Variants in CCDC171 observed in about 807,000 individuals in gnomAD.
CCDC171 encodes the protein coiled-coil domain containing 171, also known as coiled-coil domain-containing protein 171.
Under a neutral mutation model 168.2 loss-of-function variants are expected in CCDC171, and 177 were observed. The observed-to-expected ratio is 1.05, with a 90% confidence interval of 0.93 to 1.19. The LOEUF is 1.19. Ranked by LOEUF, CCDC171 falls within the 50% of genes most tolerant of loss-of-function variation. CCDC171 has a pLI of 0.00. For missense variants in CCDC171, 1,991 were observed against 1,539.0 expected, an observed-to-expected ratio of 1.29 and a Z score of -4.91; for synonymous variants, 687 against 540.8, an observed-to-expected ratio of 1.27 and a Z score of -3.75.
intron 18 of CCDC171, among the ~76,000 whole-genome samples, chr9:15,746,294 A>G (rs2134691745): frequency 6.6e-6 from 1 of 152,362 alleles, no homozygotes; most frequent in South Asian, 2.1e-4. Context: ...AATGAAATGT[A>G]AGCCTATATG....
chr9:16,025,152 T>G (rs979040146), intron 6 of CCDC171, among the ~76,000 whole-genome samples: 6 of 152,108 alleles, frequency 3.9e-5, no homozygotes, highest in African/African-American at 1.4e-4. Context: ...CATAAAAACT[T>G]GAACAGGGGC....
At chr9:15,783,790 G>C (rs1554812195) in intron 20 of CCDC171, among the ~76,000 whole-genome samples, 8 of 152,158 alleles carry the variant, frequency 5.3e-5, no homozygotes, top group Non-Finnish European at 8.8e-5. Context: ...TAAAAACCAT[G>C]TTGTGTGTTA....
intron 3 of CCDC171, among the ~76,000 whole-genome samples, chr9:15,998,477 G>A (rs1270632917): frequency 6.6e-6 from 1 of 152,200 alleles, no homozygotes; most frequent in African/African-American, 2.4e-5. Context: ...ATGTGTGGCT[G>A]AAGCTTTGGG....
chr9:15,595,472 A>G (rs1023524511), intron 6 of CCDC171, among the ~76,000 whole-genome samples: 18 of 152,210 alleles, frequency 1.2e-4, no homozygotes, highest in African/African-American at 4.3e-4. Flanking sequence ...TACAGAGGAC[A>G]TGAACTTATC....
At chr9:15,816,494 T>C (rs1232515309) in intron 21 of CCDC171, among the ~76,000 whole-genome samples, 1 of 118,974 alleles carries the variant, frequency 8.4e-6, no homozygotes, top group Admixed American at 7.9e-5. Context: ...TTTTTACTTA[T>C]ATTTTCGAAG....
intron 25 of CCDC171, among the ~76,000 whole-genome samples, chr9:15,944,895 T>G (rs1828161207): frequency 6.6e-6 from 1 of 150,964 alleles, no homozygotes; most frequent in African/African-American, 2.4e-5. Context: ...TTTTTTATCA[T>G]TATACTTTAA....
chr9:16,009,022 T>C (rs545726391), intron 3 of CCDC171, among the ~76,000 whole-genome samples: 1 of 151,862 alleles, frequency 6.6e-6, no homozygotes, highest in South Asian at 2.1e-4. Flanking sequence ...AATAATACAA[T>C]TTGTATTATT....
At position 15,848,780 on chromosome 9, in the gene CCDC171, G is replaced by A. The variant is rs550097076; in HGVS notation, c.3414-113G>A. On this transcript the variant is annotated intron_variant, in intron 22 of 25. Transcript: ENST00000380701. ...TTAAAATAAATTAAAAAAATAAAAGGAGAACAGTGATATCAGACCCTTATT... is the reference window on the plus strand; with the variant it reads ...TTAAAATAAATTAAAAAAATAAAAGAAGAACAGTGATATCAGACCCTTATT... 1.2e-3 allele frequency: 598 copies of A among 508,636 alleles called. 3 individuals are homozygous for A. Among genetic ancestry groups the A allele is most frequent in the Middle Eastern group, 4.2e-3 (8 of 1,918 alleles). The allele number at this position is 508,636 out of a possible 1,614,324, so 31.5% of individuals were successfully genotyped here. A position where few individuals can be genotyped will look rare whatever the true frequency, so the allele number is the denominator to read the frequency against.
At chr9:15,996,900 A>G (rs757039593) in intron 3 of CCDC171, among the ~76,000 whole-genome samples, 3 of 152,210 alleles carry the variant, frequency 2.0e-5, no homozygotes, top group Non-Finnish European at 2.9e-5. Flanking sequence ...CAGATACATC[A>G]TGCATTAAGA....
chr9:15,740,762 T>A (rs2054820993), intron 16 of CCDC171, among the ~76,000 whole-genome samples: 1 of 152,136 alleles, frequency 6.6e-6, no homozygotes, highest in Non-Finnish European at 1.5e-5. Context: ...TTTGTTGGTG[T>A]TTCAATATGT....
intron 3 of CCDC171, among the ~76,000 whole-genome samples, chr9:16,009,056 A>T (rs1185472836): frequency 6.6e-6 from 1 of 151,552 alleles, no homozygotes; most frequent in Non-Finnish European, 1.5e-5. Context: ...TAATATAAAA[A>T]TTGTATTATT....
Position 15,563,694 on chromosome 9 carries a change from A to G in CCDC171, c.-111-284A>G, listed in dbSNP as rs1319482432. Among the ~76,000 whole-genome samples, 3 of 152,186 alleles carry G rather than the reference A, an allele frequency of 2.0e-5. No individual in the cohort carries two copies. The East Asian group carries it at 5.8e-4, about 29-fold the overall frequency. On this transcript the variant is annotated intron_variant, in intron 1 of 25. Coordinates refer to ENST00000380701, the MANE Select transcript of CCDC171 (RefSeq NM_173550.4). ...TGGCCAAAATTTCAACCTCTGTCCT[A>G]GGTCAGACTGTTCAGTCAGCCACGT...
chr9:15,695,884 A>T (rs954664), intron 11 of CCDC171, among the ~76,000 whole-genome samples: 68,973 of 152,006 alleles, frequency 0.45, 15,977 homozygotes, highest in Non-Finnish European at 0.5. Flanking sequence ...TCATATGATA[A>T]AGAGCTATAA....
intron 2 of CCDC171, 92 bp from the exon 3 acceptor site, chr9:15,571,532 T>G: frequency 9.1e-7 from 1 of 1,101,704 alleles, no homozygotes; most frequent in South Asian, 1.8e-5. Context: ...TTCTCTTTGT[T>G]TTTTGAAAAA....
At chr9:15,561,132 G>A (rs578074222) in intron 1 of CCDC171, among the ~76,000 whole-genome samples, 2 of 152,266 alleles carry the variant, frequency 1.3e-5, no homozygotes, top group South Asian at 2.1e-4. Flanking sequence ...CTCCGTGACT[G>A]CTTATCTTTA....
At chr9:15,987,148 C>G (rs1444725084) in intron 3 of CCDC171, among the ~76,000 whole-genome samples, 1 of 152,074 alleles carries the variant, frequency 6.6e-6, no homozygotes, top group East Asian at 1.9e-4. Context: ...TTACTATACA[C>G]AAATTTCAAA....
chr9:16,082,399 G>T, the CCDC171 span, among the ~76,000 whole-genome samples: 1 of 152,140 alleles, frequency 6.6e-6, no homozygotes, highest in Admixed American at 6.5e-5. Flanking sequence ...TAGATGTTCG[G>T]TCTCTCTTCT....
chr9:15,702,014 C>G (rs1335490274), intron 11 of CCDC171, among the ~76,000 whole-genome samples: 1 of 152,180 alleles, frequency 6.6e-6, no homozygotes, highest in Non-Finnish European at 1.5e-5. Context: ...AAAATTACTT[C>G]TTGATCCATG....
At chr9:15,711,094 A>C in intron 11 of CCDC171, among the ~76,000 whole-genome samples, 1 of 152,168 alleles carries the variant, frequency 6.6e-6, no homozygotes, top group East Asian at 1.9e-4. Context: ...TTGTTCTAGT[A>C]TAGTAGACTC....
Sources: gnomAD v4.1 joint callset for allele counts (sites outside exome capture counted in the v4.1 genomes callset) on GRCh38, gnomAD v4.1.1 for gene constraint, MANE v1.5 for transcripts, NCBI Gene and HGNC (gene_info 2026-07-23, HGNC 2026-07-21) for gene names.